VWC2: variants seen among roughly 807,000 people sequenced by gnomAD.
The protein encoded by VWC2 is brorin.
A neutral mutation model predicts 29.8 loss-of-function variants in VWC2; 14 were observed. The ratio of observed to expected loss-of-function variants is 0.47; its 90% CI spans 0.31 to 0.74. The LOEUF is 0.74. Ranked by LOEUF, VWC2 falls within the 30% of genes least tolerant of loss-of-function variation. VWC2 has a pLI of 0.05. For missense variants in VWC2, 457 were observed against 459.8 expected, an observed-to-expected ratio of 0.99 and a Z score of 0.05; for synonymous variants, 213 against 199.0, an observed-to-expected ratio of 1.07 and a Z score of -0.59.
chr7:49,856,364 C>T (rs896939910), intron 3 of VWC2, among the ~76,000 whole-genome samples: 4 of 152,120 alleles, frequency 2.6e-5, no homozygotes, highest in South Asian at 2.1e-4. Context: ...CCTCTTTCAA[C>T]GTGATATACT....
chr7:49,801,530 A>G (rs921696171), intron 2 of VWC2, among the ~76,000 whole-genome samples: 1 of 152,256 alleles, frequency 6.6e-6, no homozygotes, highest in African/African-American at 2.4e-5. Flanking sequence ...CCCGTTAGCC[A>G]CGTACAGCTT....
chr7:49,804,927 A>AT (rs1357181086), intron 3 of VWC2, among the ~76,000 whole-genome samples: 3 of 152,138 alleles, frequency 2.0e-5, no homozygotes, highest in Admixed American at 6.5e-5. Context: ...AGTGTTCAAG[A>AT]TTTTTTTAGA....
At chr7:49,858,880 C>T (rs1034213994) in intron 3 of VWC2, among the ~76,000 whole-genome samples, 12 of 152,204 alleles carry the variant, frequency 7.9e-5, no homozygotes, top group Middle Eastern at 3.4e-3. Context: ...TACCTTGTTT[C>T]CTTAGTATTC....
chr7:49,798,863 CAA>C (rs1242334848), intron 2 of VWC2, among the ~76,000 whole-genome samples: 2 of 152,296 alleles, frequency 1.3e-5, no homozygotes, highest in South Asian at 2.1e-4. Flanking sequence ...GGTTTGAGCT[CAA>C]GTGATGTCTT....
At chr7:49,791,308 G>A (rs1378157746) in intron 2 of VWC2, among the ~76,000 whole-genome samples, 2 of 152,182 alleles carry the variant, frequency 1.3e-5, no homozygotes, top group African/African-American at 4.8e-5. Context: ...ACAATGATTT[G>A]GGGAGGCTGC....
chr7:49,836,376 C>T (rs909538256), intron 3 of VWC2, among the ~76,000 whole-genome samples: 4 of 151,670 alleles, frequency 2.6e-5, no homozygotes, highest in African/African-American at 9.7e-5. Context: ...GGCCTGTAAT[C>T]CCAGTACTTT....
At chr7:49,881,592 G>A (rs1215714200) in intron 3 of VWC2, among the ~76,000 whole-genome samples, 3 of 152,046 alleles carry the variant, frequency 2.0e-5, no homozygotes, top group Non-Finnish European at 2.9e-5. Flanking sequence ...GTGCTGTATC[G>A]TTTCTTTGAA....
intron 2 of VWC2, among the ~76,000 whole-genome samples, chr7:49,781,494 G>A (rs1425557204): frequency 6.6e-6 from 1 of 152,110 alleles, no homozygotes; most frequent in African/African-American, 2.4e-5. Context: ...GACTGAGTTG[G>A]TGGTATTTTC....
chr7:49,911,978 A>G, intron 3 of VWC2, 56 bp from the exon 4 acceptor site: 1 of 1,355,536 alleles, frequency 7.4e-7, no homozygotes, highest in Non-Finnish European at 9.8e-7. Flanking sequence ...ATACCTAATT[A>G]TATATATTAT....
chr7:49,858,799 AAT>A (rs1190409030), intron 3 of VWC2, among the ~76,000 whole-genome samples: 1 of 152,198 alleles, frequency 6.6e-6, no homozygotes, highest in African/African-American at 2.4e-5. Flanking sequence ...TAGTATTAAA[AAT>A]GTTACTTATT....
chr7:49,802,178 C>A (rs1021308312), intron 2 of VWC2, among the ~76,000 whole-genome samples: 1 of 152,238 alleles, frequency 6.6e-6, no homozygotes, highest in Admixed American at 6.5e-5. Flanking sequence ...TCTGGCTGGA[C>A]AGGAGAGGGA....
chr7:49,845,742 G>A (rs1324451257), intron 3 of VWC2, among the ~76,000 whole-genome samples: 1 of 152,220 alleles, frequency 6.6e-6, no homozygotes, highest in African/African-American at 2.4e-5. Context: ...GCACTTCCCA[G>A]TACAAAACAG....
chr7:49,843,941 CAGTT>C (rs1789857981), intron 3 of VWC2, among the ~76,000 whole-genome samples: 2 of 152,132 alleles, frequency 1.3e-5, no homozygotes, highest in African/African-American at 2.4e-5. Flanking sequence ...GAAAAGGTGA[CAGTT>C]AGGACTCATT....
At position 49,879,218 on chromosome 7, in the gene VWC2, T is replaced by C. The variant is rs140310953; in HGVS notation, c.827-32816T>C. 8.8e-4 allele frequency among the ~76,000 whole-genome samples: 134 copies of C among 152,318 alleles called. 2 individuals are homozygous for C. In the East Asian group the frequency reaches 0.024, roughly 28 times the overall value. On this transcript the variant is annotated intron_variant, in intron 3 of 3. Coordinates refer to ENST00000340652, the MANE Select transcript of VWC2 (RefSeq NM_198570.5). ...TTCTCTGCCTAAATTCCTAATTTTG[T>C]CTTTTATCTTATTGAATATAGTGAG...
chr7:49,872,685 C>T (rs958057904), intron 3 of VWC2, among the ~76,000 whole-genome samples: 1 of 149,732 alleles, frequency 6.7e-6, no homozygotes, highest in African/African-American at 2.5e-5. Context: ...GTGGGCGGAT[C>T]ACCTGAGGTC....
At chr7:49,804,459 G>A (rs1788826323) in intron 3 of VWC2, among the ~76,000 whole-genome samples, 3 of 152,148 alleles carry the variant, frequency 2.0e-5, no homozygotes, top group Admixed American at 2.0e-4. Flanking sequence ...AACTCTCACT[G>A]CGTCAAGGGG....
chr7:49,775,294 G>A (rs1788025706), intron 1 of VWC2, 39 bp from the exon 2 acceptor site: 1 of 445,278 alleles, frequency 2.2e-6, no homozygotes, highest in Non-Finnish European at 3.4e-6. Context: ...GGGCGCGCGC[G>A]GGCCGCGGGG....
chr7:49,893,071 T>C (rs1046122114), intron 3 of VWC2, among the ~76,000 whole-genome samples: 2 of 152,246 alleles, frequency 1.3e-5, no homozygotes, highest in African/African-American at 4.8e-5. Flanking sequence ...TTTTCCTTTT[T>C]TATTCCTTTG....
chr7:49,780,463 T>C (rs1458884202), intron 2 of VWC2, among the ~76,000 whole-genome samples: 1 of 152,198 alleles, frequency 6.6e-6, no homozygotes, highest in Non-Finnish European at 1.5e-5. Context: ...AAACAAGTTG[T>C]TTTCATCATG....
Sources: gnomAD v4.1 joint callset for allele counts (sites outside exome capture counted in the v4.1 genomes callset) on GRCh38, gnomAD v4.1.1 for gene constraint, MANE v1.5 for transcripts, NCBI Gene and HGNC (gene_info 2026-07-23, HGNC 2026-07-21) for gene names.